IGF1: variants seen among roughly 807,000 people sequenced by gnomAD.
IGF1 encodes insulin like growth factor 1.
In IGF1, 4 loss-of-function variants were observed where a neutral mutation model predicts 13.8. The observed-to-expected ratio is 0.29, with a 90% CI of 0.14 to 0.66. The LOEUF (loss-of-function observed/expected upper bound fraction) is 0.66. Ranked by LOEUF, IGF1 falls within the 30% of genes least tolerant of loss-of-function variation. The pLI is 0.78. For synonymous variants in IGF1, 76 were observed against 72.6 expected (o/e 1.05, Z -0.23); for missense variants, 124 against 188.5 (o/e 0.66, Z 2.00).
chr12:102,419,450 C>A, intron 3 of IGF1, 59 bp downstream of exon 3: 2 of 1,543,478 alleles, frequency 1.3e-6, no homozygotes, highest in South Asian at 1.2e-5. Context: ...CTTGGCCCAC[C>A]CACATGCACA....
chr12:102,415,680 G>A (rs925788426), intron 3 of IGF1: 2 of 147,970 alleles, frequency 1.4e-5, no homozygotes, highest in African/African-American at 5.0e-5. Flanking sequence ...TTTATGATTG[G>A]GTATAATTAT....
intron 3 of IGF1, among the ~76,000 whole-genome samples, chr12:102,408,821 C>G (rs1349738357): frequency 1.3e-5 from 2 of 152,176 alleles, no homozygotes; most frequent in Admixed American, 6.5e-5. Context: ...ATAGACCCAC[C>G]AAAAATGTTT....
At position 102,402,519 on chromosome 12, in the gene IGF1, G is replaced by T. The variant is rs747812688; in HGVS notation, c.450C>A (p.Asn150Lys). The change falls in exon 4 of 4, where the codon AAC becomes AAA. Residue 150 changes from asparagine (N) to lysine (K), a missense_variant. Physicochemically the swap from Asn to Lys is moderately conservative, Grantham distance 94. Around this residue, in one of 2 missense-constraint regions of IGF1, gnomAD observed 25 missense variants for 17.1 expected, o/e 1.47. Transcript: ENST00000337514. ...CAGGAGGGTCTTCCTACATCCTGTA[G>T]TTCTTGTTTCCTGCACTCCCTCTAC... ...NASRGSAGNKNYRM is the reference protein window; with the variant it reads ...NASRGSAGNKKYRM 1 of 780,706 alleles carries T rather than the reference G, an allele frequency of 1.3e-6. No individual in the cohort carries two copies. Among genetic ancestry groups the T allele is most frequent in the Non-Finnish European group, 2.4e-6 (1 of 417,990 alleles). The allele number at this position is 780,706 out of a possible 1,614,324, so 48.4% of individuals were successfully genotyped here.
At chr12:102,461,964 A>G (rs1039015179) in intron 2 of IGF1, among the ~76,000 whole-genome samples, 1 of 152,228 alleles carries the variant, frequency 6.6e-6, no homozygotes, top group Non-Finnish European at 1.5e-5. Context: ...GCCATTCTCT[A>G]GATGGGGCTT....
chr12:102,473,318 G>A (rs954081812), intron 2 of IGF1, among the ~76,000 whole-genome samples: 2 of 152,086 alleles, frequency 1.3e-5, no homozygotes, highest in African/African-American at 4.8e-5. Flanking sequence ...TTGAAAACAA[G>A]GTCAATCTCT....
intron 2 of IGF1, among the ~76,000 whole-genome samples, chr12:102,470,765 G>A (rs1204217354): frequency 1.3e-5 from 2 of 152,202 alleles, no homozygotes; most frequent in Non-Finnish European, 2.9e-5. Flanking sequence ...GTGGGTGAGT[G>A]TGATGTCAAA....
In IGF1 at chr12:102,398,791, C is replaced by A. The variant is rs1063599; in HGVS notation, c.*3716G>T. 1 of 151,138 alleles carries A rather than the reference C, an allele frequency of 6.6e-6. No homozygotes were observed. The highest frequency in any genetic ancestry group is 1.5e-5 in the Non-Finnish European group (1 of 67,664). The allele number at this position is 151,138 out of a possible 1,614,324, so 9.4% of individuals were successfully genotyped here. ...AATATGTCTATGCTTTCTTTTTTTT[C>A]TTTTTTTCTTTTTTTTTTAGTCAAG... On this transcript the variant is annotated 3_prime_UTR_variant, in exon 4 of 4. Coordinates refer to ENST00000337514, the MANE Select transcript of IGF1 (RefSeq NM_000618.5).
chr12:102,424,116 G>A (rs947195675), intron 2 of IGF1, among the ~76,000 whole-genome samples: 7 of 152,060 alleles, frequency 4.6e-5, no homozygotes, highest in Non-Finnish European at 8.8e-5. Flanking sequence ...ATAAAAAAAC[G>A]CAAACGTTTT....
chr12:102,458,726 T>C lies in IGF1; in HGVS notation c.220+16917A>G, dbSNP rs532610350. 5.5e-4 allele frequency among the ~76,000 whole-genome samples: 6 copies of C among 10,826 alleles called. 1 individual carries two copies. Among genetic ancestry groups the C allele is most frequent in the African/African-American group, 2.1e-3 (6 of 2,834 alleles). 7.1% of individuals were successfully genotyped at this position (10,826 alleles called of 152,430 possible). On this transcript the variant is annotated intron_variant, in intron 2 of 3. Coordinates refer to ENST00000337514, the MANE Select transcript of IGF1 (RefSeq NM_000618.5). ...ATAGTTAAGCAGATGGTAGGAACAC[T>C]GACCAAAAAAAAAAAAAAAAACCAA... is the stretch of plus-strand genomic sequence containing the variant.
chr12:102,435,530 G>A (rs902523803), intron 2 of IGF1, among the ~76,000 whole-genome samples: 4 of 152,114 alleles, frequency 2.6e-5, no homozygotes, highest in African/African-American at 9.7e-5. Flanking sequence ...CATACCTTTT[G>A]TGCATCAGCC....
At chr12:102,409,691 C>T (rs1436491859) in intron 3 of IGF1, among the ~76,000 whole-genome samples, 1 of 151,960 alleles carries the variant, frequency 6.6e-6, no homozygotes, top group Non-Finnish European at 1.5e-5. Context: ...TCTGCTTGAC[C>T]GCTTGTTAGC....
intron 2 of IGF1, among the ~76,000 whole-genome samples, chr12:102,453,193 C>A (rs1297181123): frequency 1.3e-5 from 2 of 152,166 alleles, no homozygotes; most frequent in Non-Finnish European, 2.9e-5. Context: ...AAGGCTAAAG[C>A]TGGAATAATG....
chr12:102,428,716 C>T (rs201272016), intron 2 of IGF1, among the ~76,000 whole-genome samples: 71 of 152,324 alleles, frequency 4.7e-4, no homozygotes, highest in African/African-American at 1.6e-3. Flanking sequence ...ATGACTCTTT[C>T]GGCCCCAGGA....
Position 102,402,299 on chromosome 12 carries a change from C to T in IGF1, c.*208G>A. The stretch of plus-strand genomic sequence containing the variant: ...TGATAAAAGATCAACAGCAATCTAC[C>T]AACTCCAGGACCATTTTTGCAAGGT... On this transcript the variant is annotated 3_prime_UTR_variant, in exon 4 of 4. Coordinates refer to ENST00000337514, the MANE Select transcript of IGF1 (RefSeq NM_000618.5). 2 of 550,646 alleles carry T rather than the reference C, an allele frequency of 3.6e-6. No homozygotes were observed. The highest frequency in any genetic ancestry group is 6.5e-6 in the Non-Finnish European group (2 of 305,544). The allele number at this position is 550,646 out of a possible 1,614,324, so 34.1% of individuals were successfully genotyped here.
chr12:102,472,533 T>TA (rs1049605791), intron 2 of IGF1, among the ~76,000 whole-genome samples: 1 of 152,150 alleles, frequency 6.6e-6, no homozygotes, highest in Non-Finnish European at 1.5e-5. Flanking sequence ...CTTCTACTAC[T>TA]AAAAAAATTG....
chr12:102,442,081 C>T (rs5742653), intron 2 of IGF1, among the ~76,000 whole-genome samples: 104,983 of 150,610 alleles, frequency 0.7, 36,932 homozygotes, highest in Admixed American at 0.76. Context: ...TTCTGAGTAG[C>T]TGGGACTGCA....
chr12:102,417,181 A>G (rs567778228), intron 3 of IGF1, among the ~76,000 whole-genome samples: 32 of 150,748 alleles, frequency 2.1e-4, no homozygotes, highest in Admixed American at 4.0e-4. Flanking sequence ...TAGCAAACTT[A>G]TACATCTTTT....
intron 2 of IGF1, among the ~76,000 whole-genome samples, chr12:102,439,292 G>A (rs539500931): frequency 2.0e-5 from 3 of 151,984 alleles, no homozygotes; most frequent in African/African-American, 4.8e-5. Flanking sequence ...GGCCCTTCTC[G>A]GATTGATACA....
chr12:102,398,946 A>C lies in IGF1; in HGVS notation c.*3561T>G, dbSNP rs941429660. 2.6e-5 allele frequency: 4 copies of C among 152,482 alleles called. No individual in the cohort carries two copies. The highest frequency in any genetic ancestry group is 9.7e-5 in the African/African-American group (4 of 41,382). 9.4% of individuals were successfully genotyped at this position (152,482 alleles called of 1,614,324 possible). ...CATAAAATAGTAACAGAAACCCTGGAGCCACAGAGCATGAGATGGTTTCAT... is the reference window on the plus strand; with the variant it reads ...CATAAAATAGTAACAGAAACCCTGGCGCCACAGAGCATGAGATGGTTTCAT... On this transcript the variant is annotated 3_prime_UTR_variant, in exon 4 of 4. Transcript: ENST00000337514.
Sources: gnomAD v4.1 joint callset for allele counts (sites outside exome capture counted in the v4.1 genomes callset) on GRCh38, gnomAD v4.1.1 for gene constraint, gnomAD v4.1.1 regional missense constraint, MANE v1.5 for transcripts, NCBI Gene and HGNC (gene_info 2026-07-23, HGNC 2026-07-21) for gene names.